Variants in ARID1B observed in about 807,000 individuals in gnomAD.
The protein encoded by ARID1B is AT-rich interactive domain-containing protein 1B.
In ARID1B, 30 loss-of-function variants were observed where a neutral mutation model predicts 212.3. The ratio of observed to expected loss-of-function variants is 0.14; its 90% CI spans 0.11 to 0.19. ARID1B has a LOEUF of 0.19. Among genes scored for constraint, ARID1B ranks in the 10% least tolerant of loss-of-function variants. The probability of loss-of-function intolerance (pLI) is 1.00; values close to 1 mark genes in which losing one functional copy is unlikely to be tolerated. For missense variants in ARID1B, 2,891 were observed against 3,204.0 expected (o/e 0.90, Z 2.36); for synonymous variants, 1,402 against 1,301.7 (o/e 1.08, Z -1.66).
intron 4 of ARID1B, among the ~76,000 whole-genome samples, chr6:157,040,914 T>G (rs987324021): frequency 6.6e-6 from 1 of 152,244 alleles, no homozygotes; most frequent in African/African-American, 2.4e-5. Context: ...TGGTTTTAGT[T>G]TTTTCCTCTG....
intron 2 of ARID1B, among the ~76,000 whole-genome samples, chr6:156,841,791 A>G (rs1783919332): frequency 6.6e-6 from 1 of 152,142 alleles, no homozygotes; most frequent in Admixed American, 6.5e-5. Context: ...AGTCATCCTC[A>G]TTTTACAAAT....
intron 15 of ARID1B, chr6:157,195,555 C>A (rs1367421595): frequency 6.6e-6 from 1 of 152,324 alleles, no homozygotes; most frequent in Non-Finnish European, 1.5e-5. Context: ...CTGTTAAGCC[C>A]CTTTTGCCAT....
At chr6:156,825,062 A>G (rs1221666532) in intron 1 of ARID1B, among the ~76,000 whole-genome samples, 1 of 151,954 alleles carries the variant, frequency 6.6e-6, no homozygotes, top group African/African-American at 2.4e-5. Flanking sequence ...ACAGGATTTC[A>G]CCGTGTTGCT....
intron 7 of ARID1B, chr6:157,140,507 G>A (rs1402650930): frequency 1.0e-5 from 4 of 397,312 alleles, no homozygotes; most frequent in Non-Finnish European, 1.8e-5. Flanking sequence ...CTATTCCTTG[G>A]CTGATTTTAT....
chr6:157,108,839 G>A (rs1235479016), intron 5 of ARID1B, among the ~76,000 whole-genome samples: 1 of 152,154 alleles, frequency 6.6e-6, no homozygotes, highest in Non-Finnish European at 1.5e-5. Context: ...GCAGCTTCTA[G>A]TGGTGACACA....
chr6:156,987,969 A>T (rs1257496242), intron 4 of ARID1B, among the ~76,000 whole-genome samples: 1 of 152,236 alleles, frequency 6.6e-6, no homozygotes, highest in African/African-American at 2.4e-5. Flanking sequence ...AAGTGTGTGC[A>T]TGATGGTGAT....
intron 16 of ARID1B, among the ~76,000 whole-genome samples, chr6:157,196,801 A>G (rs1793759909): frequency 6.6e-6 from 1 of 152,234 alleles, no homozygotes; most frequent in East Asian, 1.9e-4. Context: ...TCCCCTGTGA[A>G]TATTTTAAAC....
At chr6:157,076,043 C>T (rs951766096) in intron 4 of ARID1B, among the ~76,000 whole-genome samples, 5 of 152,166 alleles carry the variant, frequency 3.3e-5, no homozygotes, top group South Asian at 4.2e-4. Flanking sequence ...GATAAATGTG[C>T]CATGTTATGT....
At chr6:157,056,353 A>G (rs1782955067) in intron 4 of ARID1B, among the ~76,000 whole-genome samples, 1 of 152,224 alleles carries the variant, frequency 6.6e-6, no homozygotes. Context: ...TGAGAGTGGG[A>G]TATTATGGAA....
At chr6:156,843,978 A>G (rs750010727) in intron 2 of ARID1B, among the ~76,000 whole-genome samples, 11 of 152,204 alleles carry the variant, frequency 7.2e-5, no homozygotes, top group Non-Finnish European at 1.6e-4. Flanking sequence ...ATCTTGCTGT[A>G]GGAGTTTGCT....
chr6:157,027,391 A>G (rs1780729118), intron 4 of ARID1B, among the ~76,000 whole-genome samples: 1 of 152,234 alleles, frequency 6.6e-6, no homozygotes, highest in Non-Finnish European at 1.5e-5. Flanking sequence ...ATGCACTGTG[A>G]TAAATGTCTT....
At chr6:157,073,039 T>C (rs578174080) in intron 4 of ARID1B, among the ~76,000 whole-genome samples, 1 of 152,250 alleles carries the variant, frequency 6.6e-6, no homozygotes, top group Admixed American at 6.5e-5. Context: ...AATACATAAT[T>C]ATCTGATAAA....
chr6:156,797,164 G>A (rs945868079), intron 1 of ARID1B, among the ~76,000 whole-genome samples: 1 of 152,100 alleles, frequency 6.6e-6, no homozygotes, highest in Non-Finnish European at 1.5e-5. Flanking sequence ...GTGTGGCAGA[G>A]TGTTCTAGGG....
intron 2 of ARID1B, chr6:156,871,681 G>T: frequency 1.2e-6 from 2 of 1,607,814 alleles, no homozygotes; most frequent in Non-Finnish European, 1.7e-6. Flanking sequence ...GCTCTTACTT[G>T]CTCCAAGTCT....
intron 4 of ARID1B, among the ~76,000 whole-genome samples, chr6:156,994,419 G>A (rs546669292): frequency 9.2e-5 from 14 of 152,044 alleles, no homozygotes; most frequent in African/African-American, 2.2e-4. Context: ...GATTGTTTCC[G>A]GATCTCCATA....
intron 5 of ARID1B, among the ~76,000 whole-genome samples, chr6:157,090,077 T>C (rs1420086361): frequency 6.6e-6 from 1 of 152,228 alleles, no homozygotes; most frequent in African/African-American, 2.4e-5. Flanking sequence ...CGGATGTTAA[T>C]TTCACTTGTC....
intron 4 of ARID1B, among the ~76,000 whole-genome samples, chr6:157,050,438 G>A (rs991938383): frequency 6.6e-6 from 1 of 152,202 alleles, no homozygotes; most frequent in East Asian, 1.9e-4. Context: ...CAGCTACTCA[G>A]GAGGCTGAGG....
chr6:157,039,199 G>GA, intron 4 of ARID1B, among the ~76,000 whole-genome samples: 1 of 151,742 alleles, frequency 6.6e-6, no homozygotes, highest in Non-Finnish European at 1.5e-5. Context: ...TTAATAAGTT[G>GA]AAACAACAGT....
At position 157,189,803 on chromosome 6, in the gene ARID1B, G is replaced by A. The variant is rs1793231469; in HGVS notation, c.4058+23G>A. On this transcript the variant is annotated intron_variant, in intron 14 of 19. Coordinates refer to ENST00000636930, the MANE Select transcript of ARID1B (RefSeq NM_001374828.1). ...AAGGTATGTTCAAATAACTCTGTGA[G>A]GCATACAAAGTCACATTTGTTCATC... The A allele has an allele frequency of 3.7e-6, 6 of 1,612,228 alleles. No individual in the cohort carries two copies. In the Admixed American group the frequency reaches 8.4e-5, roughly 23 times the overall value.
Sources: allele counts gnomAD v4.1 joint callset (sites outside exome capture counted in the v4.1 genomes callset), GRCh38; gene constraint gnomAD v4.1.1; transcripts MANE v1.5; gene names NCBI Gene and HGNC (gene_info 2026-07-23, HGNC 2026-07-21).